The following NAALADL2 variants were observed in gnomAD, a reference collection of about 807,000 sequenced individuals.
NAALADL2 encodes N-acetylated alpha-linked acidic dipeptidase like 2.
A neutral mutation model predicts 87.2 loss-of-function variants in NAALADL2; 76 were observed. The ratio of observed to expected loss-of-function variants is 0.87; its 90% CI spans 0.72 to 1.05. NAALADL2 has a LOEUF of 1.05. Among genes scored for constraint, NAALADL2 ranks in the 50% least tolerant of loss-of-function variants. The pLI is 0.00. For synonymous variants in NAALADL2, 354 were observed against 331.0 expected (o/e 1.07, Z -0.75); for missense variants, 1,089 against 945.8 (o/e 1.15, Z -1.99).
At chr3:175,745,080 C>A (rs181024527) in intron 12 of NAALADL2, among the ~76,000 whole-genome samples, 1 of 152,124 alleles carries the variant, frequency 6.6e-6, no homozygotes, top group African/African-American at 2.4e-5. Context: ...TACCACTTGA[C>A]AACCAGCCAT....
chr3:175,750,371 T>A (rs1435396251), intron 12 of NAALADL2, among the ~76,000 whole-genome samples: 1 of 152,164 alleles, frequency 6.6e-6, no homozygotes, highest in Non-Finnish European at 1.5e-5. Flanking sequence ...TATTTTGATA[T>A]CTATTGACTA....
At chr3:174,483,582 T>C (rs1717689779) in intron 1 of NAALADL2, among the ~76,000 whole-genome samples, 1 of 151,992 alleles carries the variant, frequency 6.6e-6, no homozygotes, top group African/African-American at 2.4e-5. Flanking sequence ...AAAGTAAGTA[T>C]CCCTTAAATA....
chr3:174,626,128 A>G (rs906247592), intron 2 of NAALADL2, among the ~76,000 whole-genome samples: 1 of 146,822 alleles, frequency 6.8e-6, no homozygotes, highest in African/African-American at 2.5e-5. Context: ...CAAAATGGGT[A>G]TCATGCACTG....
intron 1 of NAALADL2, among the ~76,000 whole-genome samples, chr3:174,478,718 G>A (rs1399300757): frequency 6.6e-6 from 1 of 151,926 alleles, no homozygotes; most frequent in African/African-American, 2.4e-5. Flanking sequence ...TTTTTGTTTT[G>A]TTTTGTTTTT....
At chr3:175,053,712 G>C (rs959696096) in intron 1 of NAALADL2, among the ~76,000 whole-genome samples, 3 of 152,184 alleles carry the variant, frequency 2.0e-5, no homozygotes, top group Admixed American at 1.3e-4. Flanking sequence ...TTGCCAAAGA[G>C]AATTAGGTTC....
chr3:175,144,903 A>C (rs1308628338), intron 2 of NAALADL2, among the ~76,000 whole-genome samples: 1 of 152,032 alleles, frequency 6.6e-6, no homozygotes, highest in Admixed American at 6.6e-5. Context: ...AGACTTTGGA[A>C]TCCTGTATGT....
At chr3:174,822,819 A>C (rs112502001) in intron 3 of NAALADL2, among the ~76,000 whole-genome samples, 212 of 152,308 alleles carry the variant, frequency 1.4e-3, no homozygotes, top group African/African-American at 4.9e-3. Flanking sequence ...GAATGATTGG[A>C]AAATGTATAA....
At chr3:174,624,186 GA>G (rs11293936) in intron 2 of NAALADL2, among the ~76,000 whole-genome samples, 82,671 of 151,560 alleles carry the variant, frequency 0.55, 22,971 homozygotes, top group Middle Eastern at 0.62. Context: ...CTTATACACT[GA>G]AAAAAAATGG....
intron 13 of NAALADL2, among the ~76,000 whole-genome samples, chr3:175,765,462 C>T (rs1031217003): frequency 2.6e-5 from 4 of 152,002 alleles, no homozygotes; most frequent in Admixed American, 6.6e-5. Flanking sequence ...TTTTAACAGA[C>T]AACATTCAAA....
intron 4 of NAALADL2, among the ~76,000 whole-genome samples, chr3:175,282,253 A>T (rs967071305): frequency 5.9e-5 from 9 of 152,074 alleles, no homozygotes; most frequent in African/African-American, 2.2e-4. Flanking sequence ...TCAATATGTG[A>T]TGATTATAGC....
rs181783706 is a variant in NAALADL2 at position 175,556,573 on chromosome 3, G to A, written c.1654-19468G>A. On this transcript the variant is annotated intron_variant, in intron 9 of 13. Coordinates refer to ENST00000454872, the MANE Select transcript of NAALADL2 (RefSeq NM_207015.3). Reference sequence around the variant, plus strand: ...GCACTCCAGGTGGAAAGCTAGTATAGATTTCTGTATGAAATTGTTACTGCC... The same window carrying A: ...GCACTCCAGGTGGAAAGCTAGTATAAATTTCTGTATGAAATTGTTACTGCC... Among the ~76,000 whole-genome samples the A allele has an allele frequency of 2.0e-5, 3 of 152,196 alleles. No homozygotes were observed. In the East Asian group the frequency reaches 5.8e-4, roughly 30 times the overall value.
intron 10 of NAALADL2, among the ~76,000 whole-genome samples, chr3:175,610,945 A>G (rs999134499): frequency 1.6e-4 from 24 of 152,200 alleles, no homozygotes; most frequent in Admixed American, 1.3e-3. Context: ...TGCAAATATA[A>G]TAACAATATA....
intron 3 of NAALADL2, among the ~76,000 whole-genome samples, chr3:174,837,761 T>G (rs1408708213): frequency 6.6e-6 from 1 of 151,950 alleles, no homozygotes; most frequent in African/African-American, 2.4e-5. Flanking sequence ...GCCACTGCAC[T>G]GCAGCCTGGG....
rs1315560487 is a variant in NAALADL2 at position 175,809,679 on chromosome 3, T to A, written c.*6476T>A. On this transcript the variant is annotated 3_prime_UTR_variant, in exon 14 of 14. Coordinates refer to ENST00000454872, the MANE Select transcript of NAALADL2 (RefSeq NM_207015.3). ...TCATGCCACTGTAGTCCAGCCTGTGTAACAGAACCTATCTCAAAAAAAGGA... is the reference window on the plus strand; with the variant it reads ...TCATGCCACTGTAGTCCAGCCTGTGAAACAGAACCTATCTCAAAAAAAGGA... 1 of 151,904 alleles carries A rather than the reference T, an allele frequency of 6.6e-6. No individual in the cohort carries two copies. Among genetic ancestry groups the A allele is most frequent in the East Asian group, 1.9e-4 (1 of 5,184 alleles). 9.4% of individuals were successfully genotyped at this position (151,904 alleles called of 1,614,324 possible).
chr3:174,943,737 A>AGG (rs1428823714), intron 1 of NAALADL2, among the ~76,000 whole-genome samples: 2 of 152,156 alleles, frequency 1.3e-5, no homozygotes, highest in East Asian at 3.9e-4. Flanking sequence ...GATGAGCAGC[A>AGG]GGGTGTGTGT....
chr3:175,323,226 A>C (rs1760164794), intron 4 of NAALADL2, among the ~76,000 whole-genome samples: 1 of 149,566 alleles, frequency 6.7e-6, no homozygotes, highest in Admixed American at 6.7e-5. Flanking sequence ...TTCTCAGTAA[A>C]CTATCGCAAG....
intron 1 of NAALADL2, among the ~76,000 whole-genome samples, chr3:174,951,009 C>T (rs1315624904): frequency 1.3e-5 from 2 of 152,004 alleles, no homozygotes; most frequent in Non-Finnish European, 2.9e-5. Flanking sequence ...GAAGGATGTG[C>T]TGGTGTCATT....
At chr3:175,118,242 A>G (rs1725590956) in intron 2 of NAALADL2, among the ~76,000 whole-genome samples, 1 of 151,904 alleles carries the variant, frequency 6.6e-6, no homozygotes, top group Non-Finnish European at 1.5e-5. Flanking sequence ...CATGTACCCT[A>G]GAACTTAAAG....
chr3:175,747,678 C>T (rs553828481), intron 12 of NAALADL2, among the ~76,000 whole-genome samples: 4 of 151,706 alleles, frequency 2.6e-5, no homozygotes, highest in African/African-American at 9.7e-5. Flanking sequence ...TTAGCCAATA[C>T]ATAATTAGAC....
Sources: allele counts gnomAD v4.1 joint callset (sites outside exome capture counted in the v4.1 genomes callset), GRCh38; gene constraint gnomAD v4.1.1; transcripts MANE v1.5; gene names NCBI Gene and HGNC (gene_info 2026-07-23, HGNC 2026-07-21).